MACF1: variants seen among roughly 807,000 people sequenced by gnomAD.
MACF1 encodes the protein microtubule actin crosslinking factor 1, also known as microtubule-actin cross-linking factor 1.
In MACF1, 193 loss-of-function variants were observed where a neutral mutation model predicts 854.8. That is an observed-to-expected ratio of 0.23 (90% confidence interval 0.20 to 0.25). The LOEUF is 0.25. Among genes scored for constraint, MACF1 ranks in the 10% least tolerant of loss-of-function variants. The pLI is 1.00. For synonymous variants in MACF1, 3,185 were observed against 3,226.7 expected (o/e 0.99, Z 0.44); for missense variants, 7,722 against 8,929.1 (o/e 0.86, Z 5.45).
intron 2 of MACF1, among the ~76,000 whole-genome samples, chr1:39,236,979 C>T (rs1327823404): frequency 1.3e-5 from 2 of 152,196 alleles, no homozygotes; most frequent in Non-Finnish European, 2.9e-5. Flanking sequence ...TAAATTTCTT[C>T]CATGGCTACT....
At chr1:39,295,735 T>G in intron 19 of MACF1, 52 bp from the exon 20 acceptor site, 1 of 1,302,326 alleles carries the variant, frequency 7.7e-7, no homozygotes, top group Non-Finnish European at 1.1e-6. Context: ...TGCGCATATA[T>G]ATTGAGTCTG....
chr1:39,464,496 A>G (rs1644620631), intron 94 of MACF1: 1 of 154,356 alleles, frequency 6.5e-6, no homozygotes, highest in Non-Finnish European at 1.4e-5. Context: ...ATAAAGCTCC[A>G]TATAATCTTA....
At chr1:39,408,973 G>T (rs977897610) in intron 58 of MACF1, among the ~76,000 whole-genome samples, 6 of 147,652 alleles carry the variant, frequency 4.1e-5, no homozygotes, top group African/African-American at 1.5e-4. Flanking sequence ...TCCTTCCTGT[G>T]CTCTCCGCGT....
At position 39,327,228 on chromosome 1, in the gene MACF1, A is replaced by G; in HGVS notation, c.4489A>G (p.Lys1497Glu). Residue 1497 changes from lysine (K) to glutamate (E), a missense_variant, in exon 36 of 101, where the codon AAA becomes GAA. Lys to Glu is a moderately conservative substitution (Grantham distance 56). This residue lies in a region of MACF1 where 1,531 missense variants were observed against 1,601.6 expected (regional missense o/e 0.96). Transcript: ENST00000564288. ...LAKHGHKLSE[K>E]EKKQISEQLN... ...TGCTTCATCTTCCAGGCTCTCAGAAAAAGAGAAGAAACAAATATCTGAGCA... is the reference window on the plus strand; with the variant it reads ...TGCTTCATCTTCCAGGCTCTCAGAAGAAGAGAAGAAACAAATATCTGAGCA... The G allele has an allele frequency of 1.3e-6, 2 of 1,571,364 alleles. No homozygotes were observed. The highest frequency in any genetic ancestry group is 1.7e-6 in the Non-Finnish European group (2 of 1,148,286).
intron 31 of MACF1, among the ~76,000 whole-genome samples, 174 bp from the exon 32 acceptor site, chr1:39,322,434 A>G (rs769527338): frequency 3.9e-5 from 6 of 152,204 alleles, no homozygotes; most frequent in Non-Finnish European, 5.9e-5. Flanking sequence ...ACTTATAATG[A>G]GAGAGATAGT....
At chr1:39,318,691 GGCAATTAAA>G (rs1469102420) in intron 30 of MACF1, 76 bp downstream of exon 30, 1 of 1,377,060 alleles carries the variant, frequency 7.3e-7, no homozygotes, top group African/African-American at 1.5e-5. Context: ...ATGATGTACT[GGCAATTAAA>G]GCTTCCTCCA....
At chr1:39,455,917 A>G (rs1054876344) in intron 89 of MACF1, among the ~76,000 whole-genome samples, 3 of 152,240 alleles carry the variant, frequency 2.0e-5, no homozygotes, top group Non-Finnish European at 4.4e-5. Context: ...TGTAGACTAT[A>G]TGGTCTTTTT....
chr1:39,365,573 G>T (rs1343364440), intron 49 of MACF1, among the ~76,000 whole-genome samples: 1 of 152,050 alleles, frequency 6.6e-6, no homozygotes, highest in Non-Finnish European at 1.5e-5. Context: ...TATCCAACCT[G>T]TATCATTTAT....
In MACF1 at chr1:39,388,520, A is replaced by C. The variant is rs145629410; in HGVS notation, c.15678A>C (p.Thr5226=). 3.1e-6 allele frequency: 5 copies of C among 1,614,110 alleles called. No homozygotes were observed. The highest frequency in any genetic ancestry group is 2.5e-6 in the Non-Finnish European group (3 of 1,180,058). Residue 5226 remains threonine (T), a synonymous_variant, in exon 58 of 101, where the codon ACA becomes ACC. Transcript: ENST00000564288. ...GKARQEQLEL[T]LGRVEDFYRK... ...CTCGTCAGGAACAGCTGGAACTGAC[A>C]CTAGGCCGTGTAGAGGACTTCTACA...
At chr1:39,137,307 T>C (rs1032715895) in intron 2 of MACF1, among the ~76,000 whole-genome samples, 1 of 152,218 alleles carries the variant, frequency 6.6e-6, no homozygotes, top group Non-Finnish European at 1.5e-5. Flanking sequence ...TGGCCTCAAG[T>C]GATCTGTGTG....
intron 2 of MACF1, among the ~76,000 whole-genome samples, chr1:39,184,655 C>G (rs1037399398): frequency 1.3e-5 from 2 of 151,858 alleles, no homozygotes; most frequent in African/African-American, 2.4e-5. Flanking sequence ...CTTTTCATAT[C>G]GCAAAGCAGT....
At chr1:39,231,825 G>A (rs752556293) in intron 2 of MACF1, among the ~76,000 whole-genome samples, 2 of 151,868 alleles carry the variant, frequency 1.3e-5, no homozygotes, top group Admixed American at 6.6e-5. Flanking sequence ...GATTACAGGC[G>A]TGAGCCACTA....
In MACF1 at chr1:39,171,617, C is replaced by T. The variant is rs142067681; in HGVS notation, c.221-59565C>T. On this transcript the variant is annotated intron_variant, in intron 2 of 93. Transcript: ENST00000361689. ...CATTATAAGGATTTTTTAAGTGTTT[C>T]GTTACAGACATTATAATTTTCTTTT... Among the ~76,000 whole-genome samples, 46 of 152,116 alleles carry T rather than the reference C, an allele frequency of 3.0e-4. No homozygotes were observed. The East Asian group carries it at 7.5e-3, about 25-fold the overall frequency.
At position 39,447,600 on chromosome 1, in the gene MACF1, T is replaced by C. The variant is rs77354288; in HGVS notation, c.19761+13T>C. On this transcript the variant is annotated intron_variant, in intron 81 of 100. Transcript: ENST00000564288. ...AGAAGAGCACAAGGTAAGTATGATA[T>C]TATGATGCTGCATTCTTTTTGAAAG... 1.9e-6 allele frequency: 3 copies of C among 1,614,046 alleles called. No homozygotes were observed. Among genetic ancestry groups the C allele is most frequent in the East Asian group, 2.2e-5 (1 of 44,886 alleles).
intron 6 of MACF1, among the ~76,000 whole-genome samples, chr1:39,273,245 G>A (rs914816264): frequency 4.8e-5 from 7 of 144,766 alleles, no homozygotes; most frequent in Non-Finnish European, 9.0e-5. Context: ...CCAGCTATTC[G>A]CCTGCCTCAG....
chr1:39,438,870 G>A (rs1644039354), intron 71 of MACF1, among the ~76,000 whole-genome samples: 1 of 151,910 alleles, frequency 6.6e-6, no homozygotes, highest in Admixed American at 6.6e-5. Context: ...ATCACCTGAG[G>A]TCAGGAGTTC....
intron 2 of MACF1, among the ~76,000 whole-genome samples, chr1:39,089,134 G>A (rs538094381): frequency 2.3e-3 from 349 of 152,334 alleles, no homozygotes; most frequent in Middle Eastern, 6.8e-3. Flanking sequence ...AGCATTTCGG[G>A]AGGCCGAGGC....
chr1:39,454,172 C>T (rs779201953), intron 88 of MACF1, among the ~76,000 whole-genome samples: 7 of 152,264 alleles, frequency 4.6e-5, no homozygotes, highest in Middle Eastern at 3.4e-3. Context: ...CACTTATATG[C>T]GGTTATTGTT....
intron 23 of MACF1, chr1:39,304,355 A>G (rs987518762): frequency 2.4e-6 from 2 of 831,736 alleles, no homozygotes; most frequent in Admixed American, 1.8e-5. Flanking sequence ...CTTGTCATCT[A>G]GAACTACTTT....
Sources: allele counts gnomAD v4.1 joint callset (sites outside exome capture counted in the v4.1 genomes callset), GRCh38; gene constraint gnomAD v4.1.1; regional missense constraint gnomAD v4.1.1; transcripts MANE v1.5; gene names NCBI Gene and HGNC (gene_info 2026-07-23, HGNC 2026-07-21).